Variants in KCNQ3 observed in about 807,000 individuals in gnomAD.
KCNQ3 encodes potassium voltage-gated channel subfamily Q member 3.
Under a neutral mutation model 92.5 loss-of-function variants are expected in KCNQ3, and 30 were observed. The ratio of observed to expected loss-of-function variants is 0.32; its 90% CI spans 0.24 to 0.44. The LOEUF (loss-of-function observed/expected upper bound fraction) is 0.44, where lower values mean the gene tolerates loss of function less well. Among genes scored for constraint, KCNQ3 ranks in the 20% least tolerant of loss-of-function variants. The pLI is 1.00. For synonymous variants in KCNQ3, 450 were observed against 468.8 expected (o/e 0.96, Z 0.52); for missense variants, 913 against 1,140.3 (o/e 0.80, Z 2.87).
At chr8:132,384,658 G>C (rs2130760470) in intron 1 of KCNQ3, among the ~76,000 whole-genome samples, 1 of 152,296 alleles carries the variant, frequency 6.6e-6, no homozygotes, top group East Asian at 1.9e-4. Context: ...AGAAACACGA[G>C]TTCAAGGAGT....
At chr8:132,455,695 T>C (rs1821922713) in intron 1 of KCNQ3, among the ~76,000 whole-genome samples, 1 of 152,204 alleles carries the variant, frequency 6.6e-6, no homozygotes. Flanking sequence ...CCATCTGCAC[T>C]AACTAACTCA....
intron 1 of KCNQ3, among the ~76,000 whole-genome samples, chr8:132,325,392 C>T (rs1818016857): frequency 6.6e-6 from 1 of 152,144 alleles, no homozygotes; most frequent in Non-Finnish European, 1.5e-5. Context: ...AAAGAGACGA[C>T]TGGCTGGTGT....
In KCNQ3 at chr8:132,220,451, T is replaced by C. The variant is rs374219584; in HGVS notation, c.387-34270A>G. Among the ~76,000 whole-genome samples, 42 of 152,188 alleles carry C rather than the reference T, an allele frequency of 2.8e-4. No individual in the cohort carries two copies. In the East Asian group the frequency reaches 3.3e-3, roughly 12 times the overall value. Reference sequence around the variant, plus strand: ...TGATGGACTTTTTCCCAAATAATTATTCTTTTTTAAAATATGGCCAGGTGT... The same window carrying C: ...TGATGGACTTTTTCCCAAATAATTACTCTTTTTTAAAATATGGCCAGGTGT... On this transcript the variant is annotated intron_variant, in intron 1 of 14. Transcript: ENST00000388996.
intron 1 of KCNQ3, among the ~76,000 whole-genome samples, chr8:132,220,696 T>G (rs1458198362): frequency 6.6e-6 from 1 of 152,020 alleles, no homozygotes; most frequent in Non-Finnish European, 1.5e-5. Context: ...TTGCAGTGAG[T>G]CAAGATGGCA....
chr8:132,283,401 A>G (rs922196458), intron 1 of KCNQ3, among the ~76,000 whole-genome samples: 1 of 152,200 alleles, frequency 6.6e-6, no homozygotes, highest in African/African-American at 2.4e-5. Context: ...TTTTAACATT[A>G]TATTTTCCTG....
chr8:132,179,283 G>A (rs1029085233), intron 4 of KCNQ3, among the ~76,000 whole-genome samples: 5 of 151,844 alleles, frequency 3.3e-5, no homozygotes, highest in Admixed American at 6.6e-5. Flanking sequence ...GCTCAGCCAC[G>A]TGGGACTCTG....
intron 1 of KCNQ3, among the ~76,000 whole-genome samples, chr8:132,430,719 G>A (rs77875827): frequency 0.013 from 1,974 of 152,320 alleles, 33 homozygotes; most frequent in African/African-American, 0.046. Flanking sequence ...AACAGAAAGT[G>A]TTTGCTCAGC....
rs1284356585 is a variant in KCNQ3 at position 132,432,549 on chromosome 8, T to C, written c.386+47598A>G. Among the ~76,000 whole-genome samples the C allele has an allele frequency of 2.0e-5, 3 of 152,168 alleles. No homozygotes were observed. The East Asian group carries it at 5.8e-4, about 29-fold the overall frequency. On this transcript the variant is annotated intron_variant, in intron 1 of 14. Transcript: ENST00000388996. The stretch of plus-strand genomic sequence containing the variant: ...CTAGCCTCCTAACTCATCTCCTTCC[T>C]TAAGAGGCTTGCCTTTCCATTCCAA...
In KCNQ3 at chr8:132,230,297, C is replaced by T. The variant is rs1814591032; in HGVS notation, c.387-44116G>A. Among the ~76,000 whole-genome samples the T allele has an allele frequency of 2.0e-5, 3 of 152,024 alleles. No individual in the cohort carries two copies. In the South Asian group the frequency reaches 6.2e-4, roughly 32 times the overall value. On this transcript the variant is annotated intron_variant, in intron 1 of 14. Transcript: ENST00000388996. ...GTTTCCTAGGCCAAGATGAAAAAGG[C>T]TCCTTACCTTCCAAGATAAAGCCCC...
intron 1 of KCNQ3, among the ~76,000 whole-genome samples, chr8:132,227,679 G>A (rs1166302249): frequency 3.9e-5 from 6 of 152,298 alleles, no homozygotes; most frequent in Admixed American, 3.3e-4. Flanking sequence ...GGTGCCGGGG[G>A]CAAATGACAC....
intron 1 of KCNQ3, among the ~76,000 whole-genome samples, chr8:132,381,121 C>T (rs746199260): frequency 2.0e-5 from 3 of 152,088 alleles, no homozygotes; most frequent in African/African-American, 4.8e-5. Context: ...CACATATGCT[C>T]GATCCACCAC....
chr8:132,129,872 T>C lies in KCNQ3; in HGVS notation c.2009A>G (p.Glu670Gly). ...GGAATACCTGTTGTCCTCCTTCTTC[T>C]CTGCTTCAGCTGGCGAGGAGGTGCC... ...TKGTSSPAEA[E>G]KKEDNRYSDL... The change falls in exon 15 of 15, where the codon GAG becomes GGG. Residue 670 changes from glutamate (E) to glycine (G), a missense_variant. Transcript: ENST00000388996. This position sits in a 1 kb window ranked among gnomAD's most constrained non-coding sequence, Gnocchi z 5.9. 6.2e-7 allele frequency: 1 copy of C among 1,614,194 alleles called. No homozygotes were observed. The highest frequency in any genetic ancestry group is 8.5e-7 in the Non-Finnish European group (1 of 1,180,036).
chr8:132,480,104 A>G (rs1395927808), intron 1 of KCNQ3, 43 bp downstream of exon 1: 4 of 1,585,474 alleles, frequency 2.5e-6, no homozygotes, highest in Non-Finnish European at 3.4e-6. Context: ...CAAGTCCCCA[A>G]GCGCGCCGCC....
chr8:132,219,037 A>G (rs1419393913), intron 1 of KCNQ3, among the ~76,000 whole-genome samples: 4 of 152,220 alleles, frequency 2.6e-5, no homozygotes. Flanking sequence ...TAAGGTGAAC[A>G]CTATGACCTC....
At chr8:132,315,852 C>T (rs1586920714) in intron 1 of KCNQ3, among the ~76,000 whole-genome samples, 2 of 152,192 alleles carry the variant, frequency 1.3e-5, no homozygotes, top group Admixed American at 1.3e-4. Context: ...GAATTATAAA[C>T]TAGCCATAGT....
At chr8:132,373,789 C>T (rs888037072) in intron 1 of KCNQ3, among the ~76,000 whole-genome samples, 16 of 152,174 alleles carry the variant, frequency 1.1e-4, no homozygotes, top group African/African-American at 3.9e-4. Context: ...AAGGAGACAG[C>T]TGCCCTGAAG....
intron 1 of KCNQ3, among the ~76,000 whole-genome samples, chr8:132,424,409 TC>T (rs1821053178): frequency 6.6e-6 from 1 of 151,686 alleles, no homozygotes; most frequent in Non-Finnish European, 1.5e-5. Context: ...TGTACTCCCA[TC>T]CCCCCAACCC....
chr8:132,352,061 T>C (rs902592735), intron 1 of KCNQ3, among the ~76,000 whole-genome samples: 1 of 152,110 alleles, frequency 6.6e-6, no homozygotes, highest in African/African-American at 2.4e-5. Context: ...TTTTATGAAT[T>C]AACTCAATTA....
chr8:132,296,631 T>C (rs1284286168), intron 1 of KCNQ3, among the ~76,000 whole-genome samples: 3 of 151,260 alleles, frequency 2.0e-5, no homozygotes, highest in South Asian at 4.2e-4. Flanking sequence ...TGAGTGAGAA[T>C]ATGCGGTGTT....
Sources: allele counts gnomAD v4.1 joint callset (sites outside exome capture counted in the v4.1 genomes callset), GRCh38; gene constraint gnomAD v4.1.1; non-coding constraint Gnocchi (gnomAD v3.1); transcripts MANE v1.5; gene names NCBI Gene and HGNC (gene_info 2026-07-23, HGNC 2026-07-21).